The following CAPRIN1 variants were observed in gnomAD, a reference collection of about 807,000 sequenced individuals.
The protein encoded by CAPRIN1 is caprin-1.
In CAPRIN1, 29 loss-of-function variants were observed where a neutral mutation model predicts 100.9. The ratio of observed to expected loss-of-function variants is 0.29; its 90% CI spans 0.21 to 0.39. The LOEUF is 0.39. Ranked by LOEUF, CAPRIN1 falls within the 10% of genes least tolerant of loss-of-function variation. The pLI, the probability that CAPRIN1 is intolerant of heterozygous loss-of-function variation, is 1.00. For missense variants in CAPRIN1, 795 were observed against 876.7 expected, an observed-to-expected ratio of 0.91 and a Z score of 1.18; for synonymous variants, 338 against 307.5, an observed-to-expected ratio of 1.10 and a Z score of -1.04.
At chr11:34,078,130 C>A (rs1363243348) in intron 6 of CAPRIN1, among the ~76,000 whole-genome samples, 6 of 152,004 alleles carry the variant, frequency 3.9e-5, no homozygotes, top group Non-Finnish European at 7.4e-5. Flanking sequence ...CTAATATACC[C>A]AAATTAGTGT....
At chr11:34,056,941 C>T (rs1361859880) in intron 2 of CAPRIN1, among the ~76,000 whole-genome samples, 2 of 152,202 alleles carry the variant, frequency 1.3e-5, no homozygotes, top group African/African-American at 4.8e-5. Context: ...TGAAGGCTTT[C>T]TGCACTTCAT....
At chr11:34,088,254 C>T (rs1294360068) in intron 11 of CAPRIN1, among the ~76,000 whole-genome samples, 1 of 152,136 alleles carries the variant, frequency 6.6e-6, no homozygotes, top group Non-Finnish European at 1.5e-5. Flanking sequence ...CCACCCGCCT[C>T]GGCCTCCCAA....
chr11:34,052,341 G>C, intron 1 of CAPRIN1, 80 bp from the exon 2 acceptor site: 2 of 1,155,932 alleles, frequency 1.7e-6, no homozygotes, highest in Non-Finnish European at 1.3e-6. Context: ...GTTTTGTCCC[G>C]CGTCTCGCCC....
At chr11:34,063,744 A>G (rs1850628581) in intron 2 of CAPRIN1, among the ~76,000 whole-genome samples, 1 of 152,194 alleles carries the variant, frequency 6.6e-6, no homozygotes, top group African/African-American at 2.4e-5. Context: ...CAAGTTAGAA[A>G]GGATCTAAGA....
chr11:34,099,470 A>C lies in CAPRIN1; in HGVS notation c.*103A>C. The C allele has an allele frequency of 1.0e-6, 1 of 982,716 alleles. No homozygotes were observed. The highest frequency in any genetic ancestry group is 1.6e-6 in the Non-Finnish European group (1 of 626,834). 60.9% of individuals were successfully genotyped at this position (982,716 alleles called of 1,614,324 possible). A position where few individuals can be genotyped will look rare whatever the true frequency, so the allele number is the denominator to read the frequency against. On this transcript the variant is annotated 3_prime_UTR_variant, in exon 19 of 19. Transcript: ENST00000341394. Reference sequence around the variant, plus strand: ...ATCTATTTGTTCTCCCTTTCAGGAAACTTATTGTAAAGGGACTGTTTTCAT... The same window carrying C: ...ATCTATTTGTTCTCCCTTTCAGGAACCTTATTGTAAAGGGACTGTTTTCAT...
At chr11:34,053,900 G>T (rs1264069502) in intron 2 of CAPRIN1, among the ~76,000 whole-genome samples, 3 of 152,178 alleles carry the variant, frequency 2.0e-5, no homozygotes, top group African/African-American at 7.2e-5. Context: ...ACCTTATAAA[G>T]TAAAATGAAG....
intron 6 of CAPRIN1, among the ~76,000 whole-genome samples, chr11:34,077,580 A>G (rs953053068): frequency 3.9e-5 from 6 of 152,206 alleles, no homozygotes; most frequent in South Asian, 4.1e-4. Context: ...CTTCTGTGAA[A>G]TCAGGGAATA....
At chr11:34,087,928 G>C (rs1160337981) in intron 11 of CAPRIN1, among the ~76,000 whole-genome samples, 3 of 152,178 alleles carry the variant, frequency 2.0e-5, no homozygotes, top group African/African-American at 7.2e-5. Flanking sequence ...TGGGAAGGGA[G>C]GTGAGAGAGT....
In CAPRIN1 at chr11:34,091,989, C is replaced by A; in HGVS notation, c.1638C>A (p.Asn546Lys). The change falls in exon 15 of 19, where the codon AAC (asparagine) becomes AAA (lysine). Residue 546 changes from asparagine to lysine, a missense_variant. Transcript: ENST00000341394. ...KQQNQYQASYNQSFSSQPHQV... is the reference protein window; with the variant it reads ...KQQNQYQASYKQSFSSQPHQV... ...AAAATCAGTACCAGGCCAGTTATAA[C>A]CAGAGCTTTTCTAGTCAGCCTCACC... 3 of 1,614,110 alleles carry A rather than the reference C, an allele frequency of 1.9e-6. No homozygotes were observed. Among genetic ancestry groups the A allele is most frequent in the Non-Finnish European group, 2.5e-6 (3 of 1,179,984 alleles).
At chr11:34,071,131 C>CAAG (rs1361354318) in intron 2 of CAPRIN1, among the ~76,000 whole-genome samples, 7 of 152,180 alleles carry the variant, frequency 4.6e-5, no homozygotes, top group African/African-American at 1.7e-4. Context: ...GTGGCCCTTA[C>CAAG]CCATGTGGGT....
chr11:34,098,375 G>A, intron 18 of CAPRIN1: 1 of 985,216 alleles, frequency 1.0e-6, no homozygotes, highest in Non-Finnish European at 1.2e-6. Context: ...GGTTTAGAGA[G>A]TTTTTTGTTT....
At chr11:34,097,626 TAG>T in intron 17 of CAPRIN1, 70 bp from the exon 18 acceptor site, 1 of 1,550,784 alleles carries the variant, frequency 6.4e-7, no homozygotes, top group Non-Finnish European at 8.9e-7. Context: ...TATTGAGTGT[TAG>T]ACTGAAAGAA....
At chr11:34,098,817 T>C in intron 18 of CAPRIN1, 1 of 984,488 alleles carries the variant, frequency 1.0e-6, no homozygotes, top group Non-Finnish European at 1.2e-6. Context: ...TATACAGTTT[T>C]GAATGTTATG....
chr11:34,097,139 A>T, intron 16 of CAPRIN1, 57 bp from the exon 17 acceptor site: 1 of 1,253,580 alleles, frequency 8.0e-7, no homozygotes, highest in East Asian at 2.3e-5. Flanking sequence ...TTAATAAAAA[A>T]GTAAAAATTC....
intron 17 of CAPRIN1, 140 bp downstream of exon 17, chr11:34,097,436 T>G (rs573644212): frequency 3.9e-6 from 3 of 766,306 alleles, no homozygotes; most frequent in South Asian, 3.5e-5. Flanking sequence ...AACAAAAGCT[T>G]TTAGCACTCA....
chr11:34,074,768 A>C (rs571169103), intron 4 of CAPRIN1, among the ~76,000 whole-genome samples: 1 of 152,340 alleles, frequency 6.6e-6, no homozygotes, highest in South Asian at 2.1e-4. Context: ...CTGTAATCCC[A>C]GGAGGCTGAG....
intron 2 of CAPRIN1, among the ~76,000 whole-genome samples, chr11:34,057,060 G>T (rs1335683983): frequency 6.6e-6 from 1 of 152,276 alleles, no homozygotes; most frequent in Middle Eastern, 3.4e-3. Flanking sequence ...TGCAGCTGTT[G>T]TGCAGAACTT....
At chr11:34,097,496 G>A (rs957387849) in intron 17 of CAPRIN1, among the ~76,000 whole-genome samples, 200 bp downstream of exon 17, 4 of 152,166 alleles carry the variant, frequency 2.6e-5, no homozygotes, top group Non-Finnish European at 5.9e-5. Context: ...ATTTCCAAGA[G>A]CAGAGAAATA....
At chr11:34,059,736 T>A (rs1334606424) in intron 2 of CAPRIN1, among the ~76,000 whole-genome samples, 1 of 152,202 alleles carries the variant, frequency 6.6e-6, no homozygotes, top group Non-Finnish European at 1.5e-5. Context: ...TAAAATGGAT[T>A]AATCCATGGG....
Sources: allele counts gnomAD v4.1 joint callset (sites outside exome capture counted in the v4.1 genomes callset), GRCh38; gene constraint gnomAD v4.1.1; transcripts MANE v1.5; gene names NCBI Gene and HGNC (gene_info 2026-07-23, HGNC 2026-07-21).